Variants in SGCZ observed in about 807,000 individuals in gnomAD.
SGCZ encodes zeta-sarcoglycan.
In SGCZ, 40 loss-of-function variants were observed where a neutral mutation model predicts 41.3. The observed-to-expected ratio is 0.97, with a 90% CI of 0.75 to 1.26. The LOEUF (loss-of-function observed/expected upper bound fraction) is 1.26. Among genes scored for constraint, SGCZ ranks in the 50% most tolerant of loss-of-function variants. The pLI is 0.00. For synonymous variants in SGCZ, 206 were observed against 137.5 expected, an observed-to-expected ratio of 1.50 and a Z score of -3.49; for missense variants, 552 against 369.8, an observed-to-expected ratio of 1.49 and a Z score of -4.04.
At chr8:14,797,319 C>T (rs1165061380) in intron 1 of SGCZ, among the ~76,000 whole-genome samples, 1 of 152,012 alleles carries the variant, frequency 6.6e-6, no homozygotes, top group Non-Finnish European at 1.5e-5. Context: ...GTGATATGGA[C>T]AATGAAGCCC....
chr8:14,589,016 A>G (rs1282054573), intron 1 of SGCZ, among the ~76,000 whole-genome samples: 1 of 152,142 alleles, frequency 6.6e-6, no homozygotes, highest in African/African-American at 2.4e-5. Flanking sequence ...CCACTAAAAT[A>G]TGCATTCTTC....
chr8:14,210,582 C>T (rs1235610397), intron 4 of SGCZ, among the ~76,000 whole-genome samples: 4 of 151,950 alleles, frequency 2.6e-5, no homozygotes, highest in African/African-American at 9.7e-5. Context: ...CATGCCTCAG[C>T]CTCCTGAGTA....
At chr8:14,916,822 G>C (rs746956895) in intron 1 of SGCZ, among the ~76,000 whole-genome samples, 1 of 152,088 alleles carries the variant, frequency 6.6e-6, no homozygotes, top group Non-Finnish European at 1.5e-5. Context: ...CAAGGATTCA[G>C]CTGGGTACTT....
At chr8:14,934,183 T>C (rs1800012683) in intron 1 of SGCZ, among the ~76,000 whole-genome samples, 1 of 151,952 alleles carries the variant, frequency 6.6e-6, no homozygotes, top group Non-Finnish European at 1.5e-5. Context: ...AGAATATGTA[T>C]TCATAATCAG....
chr8:14,506,112 C>T (rs756860944), intron 2 of SGCZ, among the ~76,000 whole-genome samples: 7 of 151,800 alleles, frequency 4.6e-5, no homozygotes, highest in Admixed American at 2.6e-4. Context: ...CCGAGGCAGG[C>T]GGATCATGAG....
intron 1 of SGCZ, among the ~76,000 whole-genome samples, chr8:14,558,582 G>C (rs1346120545): frequency 7.1e-6 from 1 of 140,640 alleles, no homozygotes; most frequent in Non-Finnish European, 1.5e-5. Flanking sequence ...CTTAGAGAGA[G>C]AGAGAGAGAG....
At chr8:14,215,273 A>C (rs934676334) in intron 4 of SGCZ, among the ~76,000 whole-genome samples, 5 of 152,212 alleles carry the variant, frequency 3.3e-5, no homozygotes, top group Admixed American at 2.6e-4. Context: ...CTATAGACAA[A>C]GAAGTCTCAA....
Position 14,892,234 on chromosome 8 carries a change from C to A in SGCZ, c.40-337308G>T, listed in dbSNP as rs557290536. ...GCCCAATTACCAAACACGCCCTAGG[C>A]CTTCAGGTAATGTAACATGTGCCAT... On this transcript the variant is annotated intron_variant, in intron 1 of 7. Coordinates refer to ENST00000382080, the MANE Select transcript of SGCZ (RefSeq NM_139167.4). 2.5e-3 allele frequency among the ~76,000 whole-genome samples: 386 copies of A among 152,262 alleles called. 2 individuals are homozygous for A. Among genetic ancestry groups the A allele is most frequent in the African/African-American group, 8.9e-3 (370 of 41,552 alleles).
intron 2 of SGCZ, among the ~76,000 whole-genome samples, chr8:14,430,076 C>A (rs1167622906): frequency 6.6e-6 from 1 of 151,950 alleles, no homozygotes; most frequent in Non-Finnish European, 1.5e-5. Context: ...GGCCAGTGGT[C>A]TCCAAGACCA....
chr8:14,247,251 T>C (rs1011379469), intron 3 of SGCZ, among the ~76,000 whole-genome samples: 1 of 152,206 alleles, frequency 6.6e-6, no homozygotes, highest in Non-Finnish European at 1.5e-5. Flanking sequence ...GAAGGCTCTA[T>C]GACTTTGCAT....
At chr8:14,791,583 C>G (rs1488618002) in intron 1 of SGCZ, among the ~76,000 whole-genome samples, 1 of 152,202 alleles carries the variant, frequency 6.6e-6, no homozygotes, top group African/African-American at 2.4e-5. Context: ...CACCCACTCC[C>G]AAACCCATCC....
chr8:14,103,736 G>C (rs1475748457), intron 6 of SGCZ, among the ~76,000 whole-genome samples: 1 of 151,782 alleles, frequency 6.6e-6, no homozygotes, highest in Non-Finnish European at 1.5e-5. Flanking sequence ...TCCCTGGAGG[G>C]GTGAGGTTTT....
At chr8:14,840,559 C>G (rs1015173239) in intron 1 of SGCZ, among the ~76,000 whole-genome samples, 2 of 152,034 alleles carry the variant, frequency 1.3e-5, no homozygotes, top group African/African-American at 4.8e-5. Flanking sequence ...ATAAGTGGGA[C>G]TAATGGAGGG....
chr8:14,110,806 A>G (rs1802348838), intron 5 of SGCZ, among the ~76,000 whole-genome samples: 1 of 152,176 alleles, frequency 6.6e-6, no homozygotes, highest in South Asian at 2.1e-4. Flanking sequence ...GAATCCCAGC[A>G]CTTTAGGAGG....
intron 1 of SGCZ, among the ~76,000 whole-genome samples, chr8:15,064,916 T>A (rs1471341854): frequency 1.3e-5 from 2 of 152,194 alleles, no homozygotes; most frequent in Non-Finnish European, 2.9e-5. Context: ...TTTTCATTAC[T>A]ATGTCTACTT....
intron 1 of SGCZ, among the ~76,000 whole-genome samples, chr8:14,880,141 C>CA (rs1415909886): frequency 2.0e-5 from 3 of 151,890 alleles, no homozygotes; most frequent in East Asian, 1.9e-4. Context: ...GCACCTGGCC[C>CA]AAAAAATCTG....
chr8:14,948,670 G>A lies in SGCZ; in HGVS notation c.39+288915C>T, dbSNP rs118085804. 8.2e-3 allele frequency among the ~76,000 whole-genome samples: 1,250 copies of A among 152,124 alleles called. 12 individuals are homozygous for A. The highest frequency in any genetic ancestry group is 0.014 in the Non-Finnish European group (970 of 67,988). ...AAGGTCACTAACTACCTCCTATTTT[G>A]CAAACTCTGTGAATACCTCAAGCCT... On this transcript the variant is annotated intron_variant, in intron 1 of 7. Coordinates refer to ENST00000382080, the MANE Select transcript of SGCZ (RefSeq NM_139167.4).
chr8:14,783,460 G>GA (rs921663237), intron 1 of SGCZ, among the ~76,000 whole-genome samples: 7 of 148,582 alleles, frequency 4.7e-5, no homozygotes, highest in East Asian at 3.9e-4. Flanking sequence ...GAAAGAAAAG[G>GA]AAAAAAAAAG....
intron 1 of SGCZ, among the ~76,000 whole-genome samples, chr8:14,699,552 C>T (rs772159905): frequency 1.3e-5 from 2 of 151,778 alleles, no homozygotes; most frequent in Non-Finnish European, 2.9e-5. Flanking sequence ...TGGACATCGA[C>T]CTTGGCAAAA....
Sources: allele counts gnomAD v4.1 joint callset (sites outside exome capture counted in the v4.1 genomes callset), GRCh38; gene constraint gnomAD v4.1.1; transcripts MANE v1.5; gene names NCBI Gene and HGNC (gene_info 2026-07-23, HGNC 2026-07-21).